Variants in CAMK4 observed in about 807,000 individuals in gnomAD.
CAMK4 encodes the protein calcium/calmodulin dependent protein kinase IV.
A neutral mutation model predicts 44.9 loss-of-function variants in CAMK4; 22 were observed. The observed-to-expected ratio is 0.49, with a 90% confidence interval of 0.35 to 0.70. CAMK4 has a LOEUF of 0.70. Among genes scored for constraint, CAMK4 ranks in the 30% least tolerant of loss-of-function variants. The pLI, the probability that CAMK4 is intolerant of heterozygous loss-of-function variation, is 0.01. For missense variants in CAMK4, 498 were observed against 586.8 expected (o/e 0.85, Z 1.56); for synonymous variants, 218 against 215.4 (o/e 1.01, Z -0.11).
At chr5:111,303,410 G>C (rs1747817116) in intron 1 of CAMK4, among the ~76,000 whole-genome samples, 1 of 47,674 alleles carries the variant, frequency 2.1e-5, no homozygotes, top group Non-Finnish European at 3.7e-5. Flanking sequence ...AGGAGCTGAT[G>C]GAGCTGAAAA....
chr5:111,408,831 C>T (rs1027104899), intron 5 of CAMK4, among the ~76,000 whole-genome samples: 2 of 152,162 alleles, frequency 1.3e-5, no homozygotes, highest in Non-Finnish European at 2.9e-5. Flanking sequence ...GTGCTACAGG[C>T]CCCATGCAAG....
intron 1 of CAMK4, among the ~76,000 whole-genome samples, chr5:111,276,017 A>T (rs905612118): frequency 1.3e-5 from 2 of 152,176 alleles, no homozygotes; most frequent in Non-Finnish European, 2.9e-5. Context: ...TATTATTGAC[A>T]ATTCAGTTTA....
chr5:111,290,220 T>C lies in CAMK4; in HGVS notation c.162-53804T>C, dbSNP rs565291571. 1.3e-5 allele frequency among the ~76,000 whole-genome samples: 2 copies of C among 152,324 alleles called. No individual in the cohort carries two copies. The highest frequency in any genetic ancestry group is 2.4e-5 in the African/African-American group (1 of 41,578). ...ATTTTCCTTGAGCTGGAAGCTAAGATGGTGTTATAACTGGCCATTTCATTG... is the reference window on the plus strand; with the variant it reads ...ATTTTCCTTGAGCTGGAAGCTAAGACGGTGTTATAACTGGCCATTTCATTG... On this transcript the variant is annotated intron_variant, in intron 1 of 10. Transcript: ENST00000282356. The surrounding 1 kb of genome is among the most constrained non-coding windows in gnomAD (Gnocchi z 4.5).
intron 1 of CAMK4, among the ~76,000 whole-genome samples, chr5:111,228,918 A>G (rs1348400797): frequency 6.6e-6 from 1 of 152,172 alleles, no homozygotes; most frequent in Non-Finnish European, 1.5e-5. Flanking sequence ...GTGTCTCCCT[A>G]AGGTCTGCTG....
intron 2 of CAMK4, among the ~76,000 whole-genome samples, chr5:111,366,838 T>A (rs1750811155): frequency 1.3e-5 from 2 of 151,704 alleles, no homozygotes; most frequent in Non-Finnish European, 2.9e-5. Context: ...ACCTGTATAA[T>A]TTCTTTTATT....
intron 5 of CAMK4, among the ~76,000 whole-genome samples, chr5:111,440,480 A>G (rs1222549724): frequency 6.6e-6 from 1 of 151,856 alleles, no homozygotes; most frequent in Non-Finnish European, 1.5e-5. Context: ...CTTACTGTAA[A>G]CTATAAACAC....
intron 1 of CAMK4, among the ~76,000 whole-genome samples, chr5:111,283,771 T>C (rs1364808732): frequency 6.6e-6 from 1 of 152,238 alleles, no homozygotes; most frequent in Non-Finnish European, 1.5e-5. Flanking sequence ...AGCAAGTATA[T>C]GATGCTATCA....
rs529162977 is a variant in CAMK4 at position 111,471,597 on chromosome 5, T to C, written c.626-1714T>C. Among the ~76,000 whole-genome samples the C allele has an allele frequency of 8.5e-5, 13 of 152,380 alleles. No individual in the cohort carries two copies. In the South Asian group the frequency reaches 2.5e-3, roughly 29 times the overall value. The stretch of plus-strand genomic sequence containing the variant: ...AGAGGCTCTTTTCAAACTGAAGTCT[T>C]AGCCTTTTTAGTGTCTCAGACTAGA... On this transcript the variant is annotated intron_variant, in intron 7 of 10. Transcript: ENST00000282356.
At chr5:111,459,684 G>GTAT (rs1754565203) in intron 7 of CAMK4, among the ~76,000 whole-genome samples, 1 of 120,602 alleles carries the variant, frequency 8.3e-6, no homozygotes, top group African/African-American at 3.2e-5. Context: ...TTTAGAGACA[G>GTAT]TCTTTTTTTT....
At chr5:111,378,878 C>T (rs1386717817) in intron 4 of CAMK4, among the ~76,000 whole-genome samples, 1 of 148,952 alleles carries the variant, frequency 6.7e-6, no homozygotes, top group South Asian at 2.2e-4. Context: ...CTCTAATCCA[C>T]TATGAAGATA....
rs1580451581 is a variant in CAMK4 at position 111,229,102 on chromosome 5, C to G, written c.161+4458C>G. 2.0e-5 allele frequency among the ~76,000 whole-genome samples: 3 copies of G among 152,212 alleles called. No individual in the cohort carries two copies. In the East Asian group the frequency reaches 5.8e-4, roughly 29 times the overall value. Reference sequence around the variant, plus strand: ...CGTGCATTTTCTAAGAGAAGGGCTTCAGCCAATGTTCTTGGCTTGTCTTAG... The same window carrying G: ...CGTGCATTTTCTAAGAGAAGGGCTTGAGCCAATGTTCTTGGCTTGTCTTAG... On this transcript the variant is annotated intron_variant, in intron 1 of 10. Transcript: ENST00000282356.
rs972312815 is a variant in CAMK4 at position 111,290,792 on chromosome 5, C to T, written c.162-53232C>T. 6.6e-6 allele frequency among the ~76,000 whole-genome samples: 1 copy of T among 152,066 alleles called. No homozygotes were observed. Among genetic ancestry groups the T allele is most frequent in the Non-Finnish European group, 1.5e-5 (1 of 68,020 alleles). ...GGCATGAGGTAAGGTGTCAAGGGTC[C>T]CCTACTAATACCTGGGGAGTAGAAA... On this transcript the variant is annotated intron_variant, in intron 1 of 10. Transcript: ENST00000282356. This position sits in a 1 kb window ranked among gnomAD's most constrained non-coding sequence, Gnocchi z 4.5.
intron 5 of CAMK4, among the ~76,000 whole-genome samples, chr5:111,424,206 T>C (rs1270381231): frequency 6.6e-6 from 1 of 152,128 alleles, no homozygotes; most frequent in Non-Finnish European, 1.5e-5. Flanking sequence ...GTGAGATGCA[T>C]CCATTTTAAA....
chr5:111,398,764 C>T (rs933290061), intron 5 of CAMK4, among the ~76,000 whole-genome samples: 1 of 152,120 alleles, frequency 6.6e-6, no homozygotes, highest in African/African-American at 2.4e-5. Context: ...ATAAGGTTCC[C>T]TCCATCTTCT....
chr5:111,335,424 A>C (rs1346715631), intron 1 of CAMK4, among the ~76,000 whole-genome samples: 1 of 151,400 alleles, frequency 6.6e-6, no homozygotes, highest in Non-Finnish European at 1.5e-5. Flanking sequence ...TAGTGGGTGA[A>C]TAGTTATGTC....
In CAMK4 at chr5:111,290,316, G is replaced by GC. The variant is rs1387262046; in HGVS notation, c.162-53707dup. Among the ~76,000 whole-genome samples, 1 of 152,156 alleles carries GC rather than the reference G, an allele frequency of 6.6e-6. No homozygotes were observed. The highest frequency in any genetic ancestry group is 1.5e-5 in the Non-Finnish European group (1 of 68,034). On this transcript the variant is annotated intron_variant, in intron 1 of 10. Coordinates refer to ENST00000282356, the MANE Select transcript of CAMK4 (RefSeq NM_001744.6). The surrounding 1 kb of genome is among the most constrained non-coding windows in gnomAD (Gnocchi z 4.5). ...GTCCCATGGCTATGCAAACATTTTT[G>GC]CATCTTCTTGTCATACATTAATCCC...
chr5:111,428,041 C>T (rs539363054), intron 5 of CAMK4, among the ~76,000 whole-genome samples: 12 of 152,276 alleles, frequency 7.9e-5, no homozygotes, highest in Admixed American at 3.9e-4. Flanking sequence ...TCAGAACAAA[C>T]GGAGACTCTG....
At chr5:111,329,269 T>C (rs1247492855) in intron 1 of CAMK4, among the ~76,000 whole-genome samples, 1 of 151,906 alleles carries the variant, frequency 6.6e-6, no homozygotes, top group Non-Finnish European at 1.5e-5. Context: ...ACAGCCAATA[T>C]CATACTGAAT....
intron 1 of CAMK4, among the ~76,000 whole-genome samples, chr5:111,308,387 T>C (rs1748034933): frequency 6.6e-6 from 1 of 152,086 alleles, no homozygotes; most frequent in Admixed American, 6.6e-5. Context: ...ACATATAAAA[T>C]AGGTGGTGGT....
Sources: gnomAD v4.1 joint callset for allele counts (sites outside exome capture counted in the v4.1 genomes callset) on GRCh38, gnomAD v4.1.1 for gene constraint, Gnocchi (gnomAD v3.1) non-coding constraint, MANE v1.5 for transcripts, NCBI Gene and HGNC (gene_info 2026-07-23, HGNC 2026-07-21) for gene names.